The following ARHGAP35 variants were observed in gnomAD, a reference collection of about 807,000 sequenced individuals.
ARHGAP35 encodes the protein rho GTPase-activating protein 35.
Under a neutral mutation model 111.1 loss-of-function variants are expected in ARHGAP35, and 15 were observed. That is an observed-to-expected ratio of 0.13 (90% CI 0.09 to 0.21). The LOEUF (loss-of-function observed/expected upper bound fraction) is 0.21, where lower values mean the gene tolerates loss of function less well. ARHGAP35 is among the 10% of genes least tolerant of loss of function. The pLI is 1.00. For synonymous variants in ARHGAP35, 643 were observed against 710.3 expected (o/e 0.91, Z 1.51); for missense variants, 1,262 against 1,873.0 (o/e 0.67, Z 6.02).
intron 2 of ARHGAP35, among the ~76,000 whole-genome samples, chr19:46,933,462 C>A (rs191336790): frequency 1.3e-5 from 2 of 151,842 alleles, no homozygotes; most frequent in African/African-American, 2.4e-5. Flanking sequence ...TGCTTTTATT[C>A]ACTTACTCAG....
chr19:46,939,403 T>G (rs2056331503), intron 3 of ARHGAP35, among the ~76,000 whole-genome samples: 1 of 150,330 alleles, frequency 6.7e-6, no homozygotes, highest in African/African-American at 2.4e-5. Flanking sequence ...ATTTATTTAT[T>G]TATTTATTTA....
intron 3 of ARHGAP35, 111 bp downstream of exon 3, chr19:46,937,519 C>A: frequency 2.4e-6 from 3 of 1,262,916 alleles, no homozygotes; most frequent in Non-Finnish European, 3.4e-6. Flanking sequence ...TTGTGAGATG[C>A]TCTTGGAGAA....
rs532937219 is a variant in ARHGAP35 at position 46,908,442 on chromosome 19, T to C, written c.-188-10046T>C. Among the ~76,000 whole-genome samples the C allele has an allele frequency of 3.6e-4, 55 of 152,322 alleles. No individual in the cohort carries two copies. The highest frequency in any genetic ancestry group is 1.3e-3 in the African/African-American group (53 of 41,570). ...AATTTGCCTTGGTTTTGTATTCCCTTTGACGTAGAATATTTTTACAGCTTA... is the reference window on the plus strand; with the variant it reads ...AATTTGCCTTGGTTTTGTATTCCCTCTGACGTAGAATATTTTTACAGCTTA... On this transcript the variant is annotated intron_variant, in intron 1 of 6. Coordinates refer to ENST00000672722, the MANE Select transcript of ARHGAP35 (RefSeq NM_004491.5). This position sits in a 1 kb window ranked among gnomAD's most constrained non-coding sequence, Gnocchi z 4.2.
At chr19:46,995,031 A>G (rs572163187) in intron 5 of ARHGAP35, among the ~76,000 whole-genome samples, 6 of 152,256 alleles carry the variant, frequency 3.9e-5, no homozygotes, top group South Asian at 2.1e-4. Flanking sequence ...CCTGGTTCCA[A>G]CCAGGGCAGC....
At position 46,908,527 on chromosome 19, in the gene ARHGAP35, A is replaced by G. The variant is rs1289828906; in HGVS notation, c.-188-9961A>G. On this transcript the variant is annotated intron_variant, in intron 1 of 6. Coordinates refer to ENST00000672722, the MANE Select transcript of ARHGAP35 (RefSeq NM_004491.5). The surrounding 1 kb of genome is among the most constrained non-coding windows in gnomAD (Gnocchi z 4.2). ...TATAGGTAATCCAGAAATTATGCTA[A>G]ATCAGTGAGAAAGACTTCTTAGCTT... Among the ~76,000 whole-genome samples the G allele has an allele frequency of 6.6e-6, 1 of 152,166 alleles. No individual in the cohort carries two copies. The highest frequency in any genetic ancestry group is 2.4e-5 in the African/African-American group (1 of 41,442).
At chr19:46,978,645 TGTGTGTGTGGTGG>T (rs2056595064) in intron 3 of ARHGAP35, among the ~76,000 whole-genome samples, 2 of 89,416 alleles carry the variant, frequency 2.2e-5, no homozygotes, top group Non-Finnish European at 4.4e-5. Context: ...CGGTGGGGTA[TGTGTGTGTGGTGG>T]GTGTGTGTGG....
intron 1 of ARHGAP35, among the ~76,000 whole-genome samples, chr19:46,888,366 C>A (rs200202135): frequency 4.3e-5 from 5 of 115,366 alleles, no homozygotes; most frequent in Admixed American, 8.9e-5. Context: ...ACACACACAC[C>A]CCACAACAAG....
At chr19:46,914,610 C>T (rs766207086) in intron 1 of ARHGAP35, among the ~76,000 whole-genome samples, 2 of 152,102 alleles carry the variant, frequency 1.3e-5, no homozygotes, top group Non-Finnish European at 2.9e-5. Context: ...GAGCAAGACT[C>T]CATCTCATAA....
Position 46,986,625 on chromosome 19 carries a change from T to C in ARHGAP35, c.3827-1364T>C, listed in dbSNP as rs957512776. On this transcript the variant is annotated intron_variant, in intron 3 of 6. Transcript: ENST00000672722. This position sits in a 1 kb window ranked among gnomAD's most constrained non-coding sequence, Gnocchi z 4.3. Reference sequence around the variant, plus strand: ...TCAGTAAACAAAATTAGAAGACAGATAACAAAAAGGAAAAATGTAAACATA... The same window carrying C: ...TCAGTAAACAAAATTAGAAGACAGACAACAAAAAGGAAAAATGTAAACATA... Among the ~76,000 whole-genome samples, 5 of 152,082 alleles carry C rather than the reference T, an allele frequency of 3.3e-5. No individual in the cohort carries two copies. The highest frequency in any genetic ancestry group is 1.2e-4 in the African/African-American group (5 of 41,404).
rs2056375784 is a variant in ARHGAP35 at position 46,945,729 on chromosome 19, C to T, written c.3826+8321C>T. Reference sequence around the variant, plus strand: ...CCCGGGTCCCCAGCCTCTCCTCAGCCTCACTTGCTATTTAACTAGAAATAG... The same window carrying T: ...CCCGGGTCCCCAGCCTCTCCTCAGCTTCACTTGCTATTTAACTAGAAATAG... On this transcript the variant is annotated intron_variant, in intron 3 of 6. Coordinates refer to ENST00000672722, the MANE Select transcript of ARHGAP35 (RefSeq NM_004491.5). The surrounding 1 kb of genome is among the most constrained non-coding windows in gnomAD (Gnocchi z 4.1). 6.6e-6 allele frequency among the ~76,000 whole-genome samples: 1 copy of T among 152,166 alleles called. No individual in the cohort carries two copies. The highest frequency in any genetic ancestry group is 2.4e-5 in the African/African-American group (1 of 41,420).
At chr19:46,872,114 C>T (rs773752392) in intron 1 of ARHGAP35, among the ~76,000 whole-genome samples, 1 of 151,684 alleles carries the variant, frequency 6.6e-6, no homozygotes, top group Non-Finnish European at 1.5e-5. Context: ...ATGTTTTAAC[C>T]TTAGGGGAAT....
rs1192486084 is a variant in ARHGAP35, at chr19:46,901,427, G to A, written c.-188-17061G>A. Among the ~76,000 whole-genome samples, 2 of 152,084 alleles carry A rather than the reference G, an allele frequency of 1.3e-5. No homozygotes were observed. The highest frequency in any genetic ancestry group is 6.6e-5 in the Admixed American group (1 of 15,228). ...ACAAAAATTAGCTAGGCATGGTGAC[G>A]CGTGCCTGTAGTTCCAGCTACTTGG... On this transcript the variant is annotated intron_variant, in intron 1 of 6. Coordinates refer to ENST00000672722, the MANE Select transcript of ARHGAP35 (RefSeq NM_004491.5). The surrounding 1 kb of genome is among the most constrained non-coding windows in gnomAD (Gnocchi z 4.5).
chr19:46,873,729 G>A (rs1183382434), intron 1 of ARHGAP35, among the ~76,000 whole-genome samples: 1 of 150,828 alleles, frequency 6.6e-6, no homozygotes, highest in African/African-American at 2.4e-5. Flanking sequence ...ATTTTAATGA[G>A]ATTTAAATTT....
intron 3 of ARHGAP35, among the ~76,000 whole-genome samples, chr19:46,954,866 A>G (rs969655519): frequency 2.0e-5 from 3 of 152,220 alleles, no homozygotes; most frequent in African/African-American, 4.8e-5. Flanking sequence ...AAAAGCCACA[A>G]CAGAAAACCT....
chr19:46,906,571 A>T (rs763408912), intron 1 of ARHGAP35, among the ~76,000 whole-genome samples: 8 of 152,352 alleles, frequency 5.3e-5, no homozygotes, highest in Admixed American at 1.3e-4. Context: ...CTATAAAGTG[A>T]ATACCAATAT....
rs946810282 is a variant in ARHGAP35 at position 46,919,924 on chromosome 19, G to A, written c.1249G>A (p.Glu417Lys). The A allele has an allele frequency of 2.5e-6, 4 of 1,613,958 alleles. No homozygotes were observed. Among genetic ancestry groups the A allele is most frequent in the Admixed American group, 1.7e-5 (1 of 60,024 alleles). ...MDTVPAEQLY[E>K]AHLEKLRNER... ...TACCGTCCCTGCAGAGCAGCTATAC[G>A]AGGCCCACTTAGAGAAGCTGAGGAA... The change falls in exon 2 of 7, where the codon GAG (glutamate) becomes AAG (lysine). Residue 417 changes from glutamate to lysine, a missense_variant. Around this residue, in one of 8 missense-constraint regions of ARHGAP35, gnomAD observed 328 missense variants for 440.8 expected, o/e 0.74. Transcript: ENST00000672722. The surrounding 1 kb of genome is among the most constrained non-coding windows in gnomAD (Gnocchi z 6.2).
At chr19:46,967,929 A>G (rs1432709176) in intron 3 of ARHGAP35, among the ~76,000 whole-genome samples, 1 of 151,962 alleles carries the variant, frequency 6.6e-6, no homozygotes, top group Admixed American at 6.6e-5. Context: ...TCTGTGAGCC[A>G]GGGCTCCCTG....
chr19:46,876,566 T>C (rs373277897), intron 1 of ARHGAP35, among the ~76,000 whole-genome samples: 22 of 151,652 alleles, frequency 1.5e-4, no homozygotes, highest in African/African-American at 5.1e-4. Flanking sequence ...AGAGACGGGG[T>C]TTCACCATAT....
rs1425207473 is a variant in ARHGAP35, at chr19:46,994,984, ACCT to A, written c.4037-4314_4037-4312del. ...GCTCACCTGCCTCTGGGTCAGAGTC[ACCT>A]CCTCCCTCGCTGAGGACTGTTGAGG... On this transcript the variant is annotated intron_variant, in intron 5 of 6. Coordinates refer to ENST00000672722, the MANE Select transcript of ARHGAP35 (RefSeq NM_004491.5). This position sits in a 1 kb window ranked among gnomAD's most constrained non-coding sequence, Gnocchi z 5.4. 1.3e-5 allele frequency among the ~76,000 whole-genome samples: 2 copies of A among 151,914 alleles called. No individual in the cohort carries two copies. Among genetic ancestry groups the A allele is most frequent in the African/African-American group, 4.8e-5 (2 of 41,354 alleles).
Sources: allele counts gnomAD v4.1 joint callset (sites outside exome capture counted in the v4.1 genomes callset), GRCh38; gene constraint gnomAD v4.1.1; regional missense constraint gnomAD v4.1.1; non-coding constraint Gnocchi (gnomAD v3.1); transcripts MANE v1.5; gene names NCBI Gene and HGNC (gene_info 2026-07-23, HGNC 2026-07-21).